Variants in GARNL3 observed in about 807,000 individuals in gnomAD.
GARNL3 encodes GTPase-activating Rap/Ran-GAP domain-like protein 3.
A neutral mutation model predicts 125.0 loss-of-function variants in GARNL3; 63 were observed. The observed-to-expected ratio is 0.50, with a 90% CI of 0.41 to 0.62. GARNL3 has a LOEUF of 0.62. GARNL3 is among the 20% of genes least tolerant of loss of function. The pLI is 0.00. For synonymous variants in GARNL3, 439 were observed against 457.5 expected (o/e 0.96, Z 0.52); for missense variants, 994 against 1,244.0 (o/e 0.80, Z 3.02).
rs776132204 is a variant in GARNL3, at chr9:127,265,049, AGTACATTGAT to A, written c.144+29_144+38del. The A allele has an allele frequency of 1.4e-4, 217 of 1,586,680 alleles. 3 individuals carry two copies. The highest frequency in any genetic ancestry group is 1.3e-4 in the Non-Finnish European group (153 of 1,162,488). On this transcript the variant is annotated intron_variant, in intron 1 of 27. Coordinates refer to ENST00000373387, the MANE Select transcript of GARNL3 (RefSeq NM_032293.5). ...AAGTTTATGCTGTCTGTTCAGTGGT[AGTACATTGAT>A]TTAGATTTAGAGACGATTGCCAAGC... is the stretch of plus-strand genomic sequence containing the variant.
At chr9:127,293,871 T>A (rs1015672655) in intron 2 of GARNL3, among the ~76,000 whole-genome samples, 1 of 152,212 alleles carries the variant, frequency 6.6e-6, no homozygotes, top group African/African-American at 2.4e-5. Context: ...CAAATACCCA[T>A]CTTGAGACCT....
intron 2 of GARNL3, among the ~76,000 whole-genome samples, chr9:127,257,809 A>T (rs1476736252): frequency 6.6e-6 from 1 of 152,224 alleles, no homozygotes; most frequent in Non-Finnish European, 1.5e-5. Context: ...ATTTATTCAC[A>T]ATTAATTTAT....
chr9:127,365,083 C>T, intron 21 of GARNL3: 1 of 487,118 alleles, frequency 2.1e-6, no homozygotes, highest in Non-Finnish European at 3.6e-6. Flanking sequence ...AATGGAGAGA[C>T]TTTTCTTTCT....
intron 17 of GARNL3, among the ~76,000 whole-genome samples, chr9:127,351,311 G>C (rs1244934566): frequency 6.6e-6 from 1 of 152,104 alleles, no homozygotes; most frequent in Non-Finnish European, 1.5e-5. Flanking sequence ...CAGATGTAAG[G>C]AGTATTGTGA....
intron 1 of GARNL3, among the ~76,000 whole-genome samples, chr9:127,282,301 G>T (rs2064125995): frequency 6.6e-6 from 1 of 152,160 alleles, no homozygotes; most frequent in Admixed American, 6.5e-5. Context: ...ATGCTAATCA[G>T]AGCATTTTAT....
Position 127,368,289 on chromosome 9 carries a change from A to G in GARNL3, c.2161+2923A>G, listed in dbSNP as rs1447127278. On this transcript the variant is annotated intron_variant, in intron 22 of 27. Coordinates refer to ENST00000373387, the MANE Select transcript of GARNL3 (RefSeq NM_032293.5). The stretch of plus-strand genomic sequence containing the variant: ...AGGACAGCAGTGGGACCAGAACTAC[A>G]GCAGTGGAGATGCTGAGAAGGTCAG... Among the ~76,000 whole-genome samples, 11 of 150,382 alleles carry G rather than the reference A, an allele frequency of 7.3e-5. 1 individual carries two copies. Among genetic ancestry groups the G allele is most frequent in the Admixed American group, 5.3e-4 (8 of 15,090 alleles).
chr9:127,307,414 T>C (rs953598820), intron 2 of GARNL3, among the ~76,000 whole-genome samples: 2 of 152,216 alleles, frequency 1.3e-5, no homozygotes, highest in Non-Finnish European at 2.9e-5. Flanking sequence ...CACGCATCTC[T>C]TGGAGGCCCC....
chr9:127,249,610 T>C (rs2063364896), intron 2 of GARNL3, among the ~76,000 whole-genome samples: 1 of 152,054 alleles, frequency 6.6e-6, no homozygotes, highest in African/African-American at 2.4e-5. Context: ...GATAAATAAA[T>C]AAAAGATTAT....
chr9:127,263,383 C>G (rs563261189), upstream of GARNL3, among the ~76,000 whole-genome samples: 1 of 152,260 alleles, frequency 6.6e-6, no homozygotes, highest in East Asian at 1.9e-4. Flanking sequence ...ATTGAAGCGG[C>G]GGGTTGAGCT....
intron 1 of GARNL3, among the ~76,000 whole-genome samples, chr9:127,235,107 G>A (rs544072857): frequency 2.0e-5 from 3 of 152,124 alleles, no homozygotes; most frequent in East Asian, 3.9e-4. Flanking sequence ...AGCAGCTTCT[G>A]GCGATAGCCA....
At chr9:127,262,146 G>GTTGCTA (rs2063607380), upstream of GARNL3, among the ~76,000 whole-genome samples, 1 of 152,192 alleles carries the variant, frequency 6.6e-6, no homozygotes, top group Non-Finnish European at 1.5e-5. Flanking sequence ...ACTTTAGGGT[G>GTTGCTA]TTGCTATTGC....
At chr9:127,261,833 C>T (rs1035329423), upstream of GARNL3, among the ~76,000 whole-genome samples, 2 of 152,074 alleles carry the variant, frequency 1.3e-5, no homozygotes, top group African/African-American at 4.8e-5. Flanking sequence ...TCCATGAGGC[C>T]CTTGGTCTCT....
upstream of GARNL3, among the ~76,000 whole-genome samples, chr9:127,259,322 C>T (rs78158739): frequency 7.1e-3 from 1,078 of 152,248 alleles, 13 homozygotes; most frequent in African/African-American, 0.025. Flanking sequence ...TTCATGCCTG[C>T]GAAGTGTGAT....
chr9:127,310,558 T>G (rs139054368), intron 2 of GARNL3, among the ~76,000 whole-genome samples: 1 of 152,170 alleles, frequency 6.6e-6, no homozygotes, highest in East Asian at 1.9e-4. Flanking sequence ...AATAATCACT[T>G]GAGGCCAGGA....
chr9:127,299,602 G>A (rs1268368005), intron 2 of GARNL3, among the ~76,000 whole-genome samples: 1 of 151,552 alleles, frequency 6.6e-6, no homozygotes. Flanking sequence ...ATGGAGTCTC[G>A]CTCTGTCACC....
At chr9:127,344,419 CTT>C (rs760026921) in intron 15 of GARNL3, 80 bp downstream of exon 15, 8 of 896,024 alleles carry the variant, frequency 8.9e-6, no homozygotes, top group Admixed American at 2.0e-5. Context: ...TGTGCAAAGA[CTT>C]TGTTTGCCTG....
In GARNL3 at chr9:127,355,389, C is replaced by T. The variant is rs1489073989; in HGVS notation, c.1852C>T (p.His618Tyr). The part of the protein sequence containing the change: ...RNKLLLITRK[H>Y]NKPSGVTSTS... Reference sequence around the variant, plus strand: ...TAAACTGCTTCTGATCACAAGAAAACACAACAAGCCAAGCGGGGTCACCAG... The same window carrying T: ...TAAACTGCTTCTGATCACAAGAAAATACAACAAGCCAAGCGGGGTCACCAG... The change falls in exon 20 of 28, where the codon CAC becomes TAC. Residue 618 changes from histidine to tyrosine, a missense_variant. By Grantham distance (83) the His-to-Tyr change is moderately conservative (BLOSUM62 2). Coordinates refer to ENST00000373387, the MANE Select transcript of GARNL3 (RefSeq NM_032293.5). The T allele has an allele frequency of 1.2e-6, 2 of 1,614,214 alleles. No individual in the cohort carries two copies. The highest frequency in any genetic ancestry group is 2.2e-5 in the East Asian group (1 of 44,882).
chr9:127,245,751 C>T (rs1445044613), intron 2 of GARNL3, among the ~76,000 whole-genome samples: 1 of 152,220 alleles, frequency 6.6e-6, no homozygotes, highest in Non-Finnish European at 1.5e-5. Context: ...CACAAAACCC[C>T]AATGAGATAG....
intron 27 of GARNL3, among the ~76,000 whole-genome samples, chr9:127,391,533 A>AAAAAAAAAAAAAAAAAAAAAAAATAT: frequency 4.0e-5 from 3 of 75,870 alleles, no homozygotes; most frequent in East Asian, 3.9e-4. Context: ...ACAAAAAAAA[A>AAAAAAAAAAAAAAAAAAAAAAAATAT]ATATATATAT....
Sources: gnomAD v4.1 joint callset for allele counts (sites outside exome capture counted in the v4.1 genomes callset) on GRCh38, gnomAD v4.1.1 for gene constraint, MANE v1.5 for transcripts, NCBI Gene and HGNC (gene_info 2026-07-23, HGNC 2026-07-21) for gene names.